The following MAPK8IP2 variants were observed in gnomAD, a reference collection of about 807,000 sequenced individuals.
MAPK8IP2 encodes C-Jun-amino-terminal kinase-interacting protein 2.
MAPK8IP2 carries 15 observed loss-of-function variants against 75.6 expected under a neutral mutation model. The observed-to-expected ratio is 0.20, with a 90% CI of 0.13 to 0.31. MAPK8IP2 has a LOEUF of 0.31. Among genes scored for constraint, MAPK8IP2 ranks in the 10% least tolerant of loss-of-function variants. The pLI, the probability that MAPK8IP2 is intolerant of heterozygous loss-of-function variation, is 1.00. For synonymous variants in MAPK8IP2, 632 were observed against 554.5 expected (o/e 1.14, Z -1.96); for missense variants, 1,089 against 1,211.2 (o/e 0.90, Z 1.50).
At chr22:50,609,116 G>A (rs1025119698) in intron 10 of MAPK8IP2, among the ~76,000 whole-genome samples, 6 of 152,162 alleles carry the variant, frequency 3.9e-5, no homozygotes, top group African/African-American at 1.2e-4. Flanking sequence ...CCCTTGCCAC[G>A]AGGAGGCACG....
Position 50,605,016 on chromosome 22 carries a change from T to C in MAPK8IP2, c.1717T>C (p.Ser573Pro). The C allele has an allele frequency of 6.2e-7, 1 of 1,612,292 alleles. No individual in the cohort carries two copies. ...GCCGGACAGCCCTGACCTCACTTTC[T>C]CCAAGAAGTTCCTCAATGTCTTCGT... ...TSPDSPDLTF[S>P]KKFLNVFVNS... Residue 573 changes from serine to proline, a missense_variant, in exon 5 of 12, where the codon TCC (serine) becomes CCC (proline). Ser to Pro is a moderately conservative substitution (Grantham distance 74, BLOSUM62 -1). Coordinates refer to ENST00000329492, the MANE Select transcript of MAPK8IP2 (RefSeq NM_012324.6).
chr22:50,612,962 G>C lies in MAPK8IP2; in HGVS notation c.*2183G>C, dbSNP rs2071175086. On this transcript the variant is annotated 3_prime_UTR_variant, in exon 12 of 12. Coordinates refer to ENST00000329492, the MANE Select transcript of MAPK8IP2 (RefSeq NM_012324.6). Reference sequence around the variant, plus strand: ...CAGCCGGCCCTTAGGACGGCTGTTGGACGTGCTCGTGAGTCCTTCGCCTGT... The same window carrying C: ...CAGCCGGCCCTTAGGACGGCTGTTGCACGTGCTCGTGAGTCCTTCGCCTGT... 4.9e-5 allele frequency: 2 copies of C among 40,912 alleles called. No homozygotes were observed. The highest frequency in any genetic ancestry group is 2.1e-4 in the African/African-American group (2 of 9,330). 2.5% of individuals were successfully genotyped at this position (40,912 alleles called of 1,614,324 possible).
rs565845545 is a variant in MAPK8IP2 at position 50,606,714 on chromosome 22, C to G, written c.2181C>G (p.Leu727=). 1.9e-6 allele frequency: 3 copies of G among 1,595,146 alleles called. No individual in the cohort carries two copies. Among genetic ancestry groups the G allele is most frequent in the Admixed American group, 1.7e-5 (1 of 57,180 alleles). ...VHLRPPASCD[L]EISLRGVKLS... is the part of the protein sequence containing the mutation. Reference sequence around the variant, plus strand: ...TGCGCCCTCCTGCCTCCTGTGACCTCGAGATCTCTCTTCGGGGGGTCAAGC... The same window carrying G: ...TGCGCCCTCCTGCCTCCTGTGACCTGGAGATCTCTCTTCGGGGGGTCAAGC... Residue 727 remains leucine, a synonymous_variant, in exon 9 of 12, where the codon CTC becomes CTG. Transcript: ENST00000329492.
In MAPK8IP2 at chr22:50,603,933, G is replaced by C; in HGVS notation, c.634G>C (p.Ala212Pro). The change falls in exon 5 of 12, where the codon GCG becomes CCG. Residue 212 changes from alanine (A) to proline (P), a missense_variant. Ala to Pro is a conservative substitution (Grantham distance 27). Transcript: ENST00000329492. ...PGCDCEGNRP[A>P]EPPAPGGTSP... The stretch of plus-strand genomic sequence containing the variant: ...TTGCGACTGCGAAGGGAACCGGCCT[G>C]CGGAACCCCCTGCGCCAGGGGGGAC... 1 of 1,541,376 alleles carries C rather than the reference G, an allele frequency of 6.5e-7. No homozygotes were observed. The highest frequency in any genetic ancestry group is 8.7e-7 in the Non-Finnish European group (1 of 1,147,680).
rs183327739 is a variant in MAPK8IP2, at chr22:50,601,174, C to G, written c.65+291C>G. On this transcript the variant is annotated intron_variant, in intron 1 of 11. Coordinates refer to ENST00000329492, the MANE Select transcript of MAPK8IP2 (RefSeq NM_012324.6). ...CCTGTCAAGGGTGGAGGCCCTGGGC[C>G]GACCCTCTGCGGGGGAGGATGCGGG... is the stretch of plus-strand genomic sequence containing the variant. 37 of 156,978 alleles carry G rather than the reference C, an allele frequency of 2.4e-4. No homozygotes were observed. The East Asian group carries it at 6.8e-3, about 29-fold the overall frequency. 9.7% of individuals were successfully genotyped at this position (156,978 alleles called of 1,614,324 possible).
intron 10 of MAPK8IP2, among the ~76,000 whole-genome samples, chr22:50,609,475 C>T (rs952260514): frequency 6.6e-6 from 1 of 152,140 alleles, no homozygotes; most frequent in Non-Finnish European, 1.5e-5. Context: ...GAGGCGGGCC[C>T]TGTGCTCTGT....
Position 50,605,023 on chromosome 22 carries a change from A to G in MAPK8IP2, c.1724A>G (p.Lys575Arg). The change falls in exon 5 of 12, where the codon AAG becomes AGG. Residue 575 changes from lysine (K) to arginine (R), a missense_variant. Lys to Arg is a conservative substitution (Grantham distance 26, BLOSUM62 2). Coordinates refer to ENST00000329492, the MANE Select transcript of MAPK8IP2 (RefSeq NM_012324.6). ...PDSPDLTFSK[K>R]FLNVFVNSTS... Reference sequence around the variant, plus strand: ...AGCCCTGACCTCACTTTCTCCAAGAAGTTCCTCAATGTCTTCGTCAACAGC... The same window carrying G: ...AGCCCTGACCTCACTTTCTCCAAGAGGTTCCTCAATGTCTTCGTCAACAGC... The G allele has an allele frequency of 6.2e-7, 1 of 1,612,544 alleles. No homozygotes were observed. Among genetic ancestry groups the G allele is most frequent in the Non-Finnish European group, 8.5e-7 (1 of 1,179,842 alleles).
At position 50,612,060 on chromosome 22, in the gene MAPK8IP2, T is replaced by C. The variant is rs2071159371; in HGVS notation, c.*1281T>C. 6.6e-6 allele frequency: 1 copy of C among 152,108 alleles called. No individual in the cohort carries two copies. The allele number at this position is 152,108 out of a possible 1,614,324, so 9.4% of individuals were successfully genotyped here. On this transcript the variant is annotated 3_prime_UTR_variant, in exon 12 of 12. Coordinates refer to ENST00000329492, the MANE Select transcript of MAPK8IP2 (RefSeq NM_012324.6). Reference sequence around the variant, plus strand: ...CCTGGCGCACACCTGTAATCCCAGCTACTCAGGAGGCTAAGGCATGAGAAT... The same window carrying C: ...CCTGGCGCACACCTGTAATCCCAGCCACTCAGGAGGCTAAGGCATGAGAAT...
At position 50,604,323 on chromosome 22, in the gene MAPK8IP2, A is replaced by G. The variant is rs754934363; in HGVS notation, c.1024A>G (p.Ser342Gly). 1.3e-6 allele frequency: 2 copies of G among 1,540,046 alleles called. No homozygotes were observed. The highest frequency in any genetic ancestry group is 1.2e-5 in the South Asian group (1 of 84,306). The change falls in exon 5 of 12, where the codon AGC (serine) becomes GGC (glycine). Residue 342 changes from serine (S) to glycine (G), a missense_variant. Coordinates refer to ENST00000329492, the MANE Select transcript of MAPK8IP2 (RefSeq NM_012324.6). ...GGGGTCGGAGTCGGAGCCGGACCTC[A>G]GCGAGGACGCGGACTCGCCCTGGCT... ...ESGSESEPDL[S>G]EDADSPWLLS...
intron 8 of MAPK8IP2, among the ~76,000 whole-genome samples, chr22:50,606,409 C>T (rs1040186587): frequency 6.5e-5 from 3 of 46,480 alleles, no homozygotes; most frequent in East Asian, 3.4e-3. Flanking sequence ...CTGAGCCAAG[C>T]GCAGCAGCCT....
In MAPK8IP2 at chr22:50,604,856, G is replaced by A. The variant is rs1456945114; in HGVS notation, c.1557G>A (p.Thr519=). ...VKYTLVVDEH[T]QLELVSLRRC... The stretch of plus-strand genomic sequence containing the variant: ...ACACGCTGGTGGTGGATGAGCACAC[G>A]CAGCTGGAGCTGGTGAGCCTGCGGC... Residue 519 remains threonine, a synonymous_variant, in exon 5 of 12, where the codon ACG becomes ACA. Coordinates refer to ENST00000329492, the MANE Select transcript of MAPK8IP2 (RefSeq NM_012324.6). The A allele has an allele frequency of 6.3e-7, 1 of 1,595,940 alleles. No individual in the cohort carries two copies. The highest frequency in any genetic ancestry group is 8.5e-7 in the Non-Finnish European group (1 of 1,172,988).
At chr22:50,602,489 A>G (rs2070954886) in intron 2 of MAPK8IP2, among the ~76,000 whole-genome samples, 2 of 152,214 alleles carry the variant, frequency 1.3e-5, no homozygotes, top group South Asian at 2.1e-4. Context: ...GTAAGGGACA[A>G]TGGCTGCCCA....
At position 50,603,269 on chromosome 22, in the gene MAPK8IP2, C is replaced by T; in HGVS notation, c.218C>T (p.Ser73Phe). The T allele has an allele frequency of 1.9e-6, 3 of 1,598,286 alleles. No homozygotes were observed. The highest frequency in any genetic ancestry group is 2.6e-6 in the Non-Finnish European group (3 of 1,173,946). The change falls in exon 3 of 12, where the codon TCC (serine) becomes TTC (phenylalanine). Residue 73 changes from serine (S) to phenylalanine (F), a missense_variant. Ser to Phe is a radical substitution (Grantham distance 155, BLOSUM62 -2). Coordinates refer to ENST00000329492, the MANE Select transcript of MAPK8IP2 (RefSeq NM_012324.6). ...GRSEQPHPIC[S>F]FQDDFQEFEM... ...TCGGAGCAGCCGCACCCCATCTGCT[C>T]CTTCCAGGATGACTTCCAGGAGTTT...
chr22:50,604,208 C>T lies in MAPK8IP2; in HGVS notation c.909C>T (p.Pro303=), dbSNP rs369666556. The part of the protein sequence containing the change: ...LTNSIEEASS[P]ASEPEPPREP... ...ACTCCATCGAGGAGGCCTCGTCGCC[C>T]GCCTCGGAGCCGGAGCCCCCGCGCG... The change falls in exon 5 of 12, where the codon CCC becomes CCT. Residue 303 remains proline, a synonymous_variant. Transcript: ENST00000329492. 690 of 1,545,680 alleles carry T rather than the reference C, an allele frequency of 4.5e-4. 2 individuals are homozygous for T. Among genetic ancestry groups the T allele is most frequent in the Middle Eastern group, 3.2e-3 (15 of 4,674 alleles).
At chr22:50,601,678 G>C in intron 1 of MAPK8IP2, 111 bp from the exon 2 acceptor site, 1 of 732,882 alleles carries the variant, frequency 1.4e-6, no homozygotes, top group Non-Finnish European at 2.4e-6. Context: ...GCTGGGGGCT[G>C]TGGAAACCAC....
At position 50,604,052 on chromosome 22, in the gene MAPK8IP2, G is replaced by C; in HGVS notation, c.753G>C (p.Ser251=). ...GTCGCAGCAGCCAGGAGCTGTCCTC[G>C]CCCGGCTCCGACTCGGAGGACGCGG... is the stretch of plus-strand genomic sequence containing the variant. ...GGRRSSQELS[S]PGSDSEDAGG... is the part of the protein sequence containing the mutation. The change falls in exon 5 of 12, where the codon TCG becomes TCC. Residue 251 remains serine (S), a synonymous_variant. Coordinates refer to ENST00000329492, the MANE Select transcript of MAPK8IP2 (RefSeq NM_012324.6). 1 of 1,543,244 alleles carries C rather than the reference G, an allele frequency of 6.5e-7. No homozygotes were observed. Among genetic ancestry groups the C allele is most frequent in the South Asian group, 1.2e-5 (1 of 83,956 alleles).
In MAPK8IP2 at chr22:50,606,727, CG is replaced by C; in HGVS notation, c.2200del (p.Val734SerfsTer3). On this transcript the variant is annotated frameshift_variant, in exon 9 of 12. Coordinates refer to ENST00000329492, the MANE Select transcript of MAPK8IP2 (RefSeq NM_012324.6). LOFTEE classifies it high-confidence loss of function. ...CTCCTGTGACCTCGAGATCTCTCTTCGGGGGGTCAAGCTGAGTCTGAGCGGA... is the reference window on the plus strand; with the variant it reads ...CTCCTGTGACCTCGAGATCTCTCTTCGGGGGTCAAGCTGAGTCTGAGCGGA... ...PASCDLEISL[R>X]GVKLSLSGGG... 6.3e-7 allele frequency: 1 copy of C among 1,590,656 alleles called. No homozygotes were observed. The highest frequency in any genetic ancestry group is 8.6e-7 in the Non-Finnish European group (1 of 1,168,764).
In MAPK8IP2 at chr22:50,604,326, G is replaced by T; in HGVS notation, c.1027G>T (p.Glu343Ter). The T allele has an allele frequency of 6.5e-7, 1 of 1,539,048 alleles. No individual in the cohort carries two copies. The change falls in exon 5 of 12, where the codon GAG becomes TAG. Residue 343 changes from glutamate to a stop codon, truncating the protein, a stop_gained. Transcript: ENST00000329492. LOFTEE classifies it high-confidence loss of function. Reference sequence around the variant, plus strand: ...GTCGGAGTCGGAGCCGGACCTCAGCGAGGACGCGGACTCGCCCTGGCTGCT... The same window carrying T: ...GTCGGAGTCGGAGCCGGACCTCAGCTAGGACGCGGACTCGCCCTGGCTGCT... Reference protein sequence around the residue: ...SGSESEPDLSEDADSPWLLSN... With the variant: ...SGSESEPDLS
rs538309917 is a variant in MAPK8IP2 at position 50,603,613 on chromosome 22, A to G, written c.448-13A>G. 27 of 1,590,262 alleles carry G rather than the reference A, an allele frequency of 1.7e-5. No homozygotes were observed. The highest frequency in any genetic ancestry group is 2.1e-5 in the Non-Finnish European group (25 of 1,168,824). ...GCCCTCCTCAGGACCGCCGTCATGT[A>G]TCTCCACCCCAGGACTCCCTAAACA... is the stretch of plus-strand genomic sequence containing the variant. On this transcript the variant is annotated splice_polypyrimidine_tract_variant and intron_variant, in intron 3 of 11. Transcript: ENST00000329492.
Sources: allele counts gnomAD v4.1 joint callset (sites outside exome capture counted in the v4.1 genomes callset), GRCh38; gene constraint gnomAD v4.1.1; transcripts MANE v1.5; gene names NCBI Gene and HGNC (gene_info 2026-07-23, HGNC 2026-07-21).